The following VIPR2 variants were observed in gnomAD, a reference collection of about 807,000 sequenced individuals.
VIPR2 encodes the protein vasoactive intestinal polypeptide receptor 2.
In VIPR2, 48 loss-of-function variants were observed where a neutral mutation model predicts 58.0. That is an observed-to-expected ratio of 0.83 (90% confidence interval 0.66 to 1.05). The LOEUF (loss-of-function observed/expected upper bound fraction) is 1.05, where lower values mean the gene tolerates loss of function less well. Ranked by LOEUF, VIPR2 falls within the 50% of genes least tolerant of loss-of-function variation. The pLI, the probability that VIPR2 is intolerant of heterozygous loss-of-function variation, is 0.00. For synonymous variants in VIPR2, 243 were observed against 235.2 expected (o/e 1.03, Z -0.30); for missense variants, 534 against 558.0 (o/e 0.96, Z 0.43).
chr7:159,082,424 A>G (rs986611962), intron 4 of VIPR2, among the ~76,000 whole-genome samples: 2 of 151,594 alleles, frequency 1.3e-5, no homozygotes, highest in Admixed American at 6.6e-5. Flanking sequence ...ATGAGAACAC[A>G]TGGACACAGG....
intron 3 of VIPR2, among the ~76,000 whole-genome samples, chr7:159,107,938 C>T (rs1271619714): frequency 6.6e-6 from 1 of 152,196 alleles, no homozygotes; most frequent in East Asian, 1.9e-4. Context: ...CCCCAAACCT[C>T]CCACCTGCTG....
intron 4 of VIPR2, among the ~76,000 whole-genome samples, chr7:159,088,327 C>A (rs1043429383): frequency 3.3e-5 from 5 of 152,054 alleles, no homozygotes; most frequent in African/African-American, 2.4e-5. Context: ...CTGTACACCA[C>A]AATCATGCTG....
chr7:159,132,647 T>A (rs1228038995), intron 2 of VIPR2, among the ~76,000 whole-genome samples: 1 of 152,212 alleles, frequency 6.6e-6, no homozygotes, highest in African/African-American at 2.4e-5. Flanking sequence ...CGAGTCACAG[T>A]GGCCACAGTG....
At chr7:159,114,397 G>C (rs1299435332) in intron 2 of VIPR2, among the ~76,000 whole-genome samples, 2 of 152,078 alleles carry the variant, frequency 1.3e-5, no homozygotes, top group Non-Finnish European at 2.9e-5. Flanking sequence ...TGCAGATGGA[G>C]TGAGAAACAA....
chr7:159,104,575 A>AG (rs1563331618), intron 3 of VIPR2, among the ~76,000 whole-genome samples: 1 of 100,182 alleles, frequency 1.0e-5, no homozygotes, highest in African/African-American at 5.5e-5. Flanking sequence ...CCAGGCCCTC[A>AG]CCACCGATGG....
At chr7:159,039,773 A>T (rs1854202852) in intron 6 of VIPR2, among the ~76,000 whole-genome samples, 1 of 152,164 alleles carries the variant, frequency 6.6e-6, no homozygotes, top group Non-Finnish European at 1.5e-5. Flanking sequence ...GTGGATGGAG[A>T]CACCCTCTGA....
At chr7:159,113,651 C>T (rs139260378) in intron 2 of VIPR2, among the ~76,000 whole-genome samples, 209 of 152,034 alleles carry the variant, frequency 1.4e-3, no homozygotes, top group Non-Finnish European at 1.8e-3. Flanking sequence ...AACAGAAAAA[C>T]GAGGAAAAGC....
chr7:159,046,383 T>A (rs1015065731), intron 5 of VIPR2, among the ~76,000 whole-genome samples: 1 of 152,144 alleles, frequency 6.6e-6, no homozygotes, highest in East Asian at 1.9e-4. Context: ...TATTCAACCA[T>A]AAAGAGGCAT....
intron 4 of VIPR2, among the ~76,000 whole-genome samples, chr7:159,091,670 GCCT>G (rs1016897581): frequency 4.6e-5 from 7 of 152,204 alleles, no homozygotes; most frequent in Admixed American, 3.3e-4. Flanking sequence ...GACCTGCCTG[GCCT>G]CCTCCTGTGG....
intron 4 of VIPR2, among the ~76,000 whole-genome samples, chr7:159,065,199 G>A (rs1856012427): frequency 6.6e-6 from 1 of 152,232 alleles, no homozygotes; most frequent in Non-Finnish European, 1.5e-5. Flanking sequence ...GTGTTTCTGA[G>A]TTGTTCTAGG....
intron 4 of VIPR2, among the ~76,000 whole-genome samples, chr7:159,082,968 G>A (rs1856989067): frequency 6.6e-6 from 1 of 152,196 alleles, no homozygotes; most frequent in African/African-American, 2.4e-5. Context: ...TCATCCTCAT[G>A]TAATTACACA....
chr7:159,143,503 A>T (rs1797560830), intron 1 of VIPR2, among the ~76,000 whole-genome samples: 1 of 152,232 alleles, frequency 6.6e-6, no homozygotes, highest in Non-Finnish European at 1.5e-5. Context: ...TCCAACCAGG[A>T]ACACAATATC....
At chr7:159,055,806 T>C (rs551538920) in intron 5 of VIPR2, among the ~76,000 whole-genome samples, 66 of 152,270 alleles carry the variant, frequency 4.3e-4, no homozygotes, top group Non-Finnish European at 7.9e-4. Flanking sequence ...CAAATACATG[T>C]TTGCTGGGTT....
At position 159,142,530 on chromosome 7, in the gene VIPR2, G is replaced by C; in HGVS notation, c.67C>G (p.Pro23Ala). 6.2e-7 allele frequency: 1 copy of C among 1,612,512 alleles called. No homozygotes were observed. The highest frequency in any genetic ancestry group is 8.5e-7 in the Non-Finnish European group (1 of 1,179,020). Reference sequence around the variant, plus strand: ...ATTTCCAGATGAAATCGGCATTCTGGGTGAATGCTGTTCACCTGTTCACGG... The same window carrying C: ...ATTTCCAGATGAAATCGGCATTCTGCGTGAATGCTGTTCACCTGTTCACGG... ...WLLAPVNSIHPECRFHLEIQE... is the reference protein window; with the variant it reads ...WLLAPVNSIHAECRFHLEIQE... The change falls in exon 2 of 13, where the codon CCA becomes GCA. Residue 23 changes from proline (P) to alanine (A), a missense_variant. Around this residue, in one of 3 missense-constraint regions of VIPR2, gnomAD observed 224 missense variants for 255.7 expected, o/e 0.88. Coordinates refer to ENST00000262178, the MANE Select transcript of VIPR2 (RefSeq NM_003382.5).
intron 5 of VIPR2, among the ~76,000 whole-genome samples, chr7:159,045,705 C>T (rs568838678): frequency 8.5e-5 from 13 of 152,208 alleles, no homozygotes; most frequent in Non-Finnish European, 1.9e-4. Flanking sequence ...CTAATAGGCT[C>T]TGTTGGATTT....
At position 159,030,399 on chromosome 7, in the gene VIPR2, C is replaced by A; in HGVS notation, c.*217G>T. On this transcript the variant is annotated 3_prime_UTR_variant, in exon 13 of 13. Coordinates refer to ENST00000262178, the MANE Select transcript of VIPR2 (RefSeq NM_003382.5). ...CTATACGGCTGAAACACATTTTGCA[C>A]AAGATTATCTAAATGCTGGAGTTTA... 1 of 473,082 alleles carries A rather than the reference C, an allele frequency of 2.1e-6. No homozygotes were observed. Among genetic ancestry groups the A allele is most frequent in the Non-Finnish European group, 3.6e-6 (1 of 281,246 alleles). 29.3% of individuals were successfully genotyped at this position (473,082 alleles called of 1,614,324 possible).
Position 159,030,731 on chromosome 7 carries a change from C to T in VIPR2, c.1202G>A (p.Arg401Gln). 1 of 1,589,520 alleles carries T rather than the reference C, an allele frequency of 6.3e-7. No individual in the cohort carries two copies. The highest frequency in any genetic ancestry group is 2.3e-5 in the East Asian group (1 of 43,272). ...GGAGGAACCGCAGACCCTGTAATCC[C>T]GGCTCGCGGACGGGGTCGGGCACCG... ...RSRCPTPSAS[R>Q]DYRVCGSSFS... Residue 401 changes from arginine to glutamine, a missense_variant, in exon 13 of 13, where the codon CGG (arginine) becomes CAG (glutamine). Physicochemically the swap from Arg to Gln is conservative, Grantham distance 43. Transcript: ENST00000262178.
At position 159,099,995 on chromosome 7, in the gene VIPR2, C is replaced by A. The variant is rs529515501; in HGVS notation, c.357+3762G>T. On this transcript the variant is annotated intron_variant, in intron 4 of 12. Transcript: ENST00000262178. This position sits in a 1 kb window ranked among gnomAD's most constrained non-coding sequence, Gnocchi z 4.2. ...CCTTCCTCAAGGGCTCACAGCCATG[C>A]GTGCTGGAGCTGGGCCCCCAACACT... is the stretch of plus-strand genomic sequence containing the variant. Among the ~76,000 whole-genome samples, 3 of 152,178 alleles carry A rather than the reference C, an allele frequency of 2.0e-5. No homozygotes were observed. The highest frequency in any genetic ancestry group is 4.4e-5 in the Non-Finnish European group (3 of 68,028).
At chr7:159,064,251 C>G (rs73523914) in intron 4 of VIPR2, among the ~76,000 whole-genome samples, 57,654 of 151,810 alleles carry the variant, frequency 0.38, 11,607 homozygotes, top group African/African-American at 0.5. Flanking sequence ...ACGGGAGCCC[C>G]GGTCCCCTGC....
Sources: allele counts gnomAD v4.1 joint callset (sites outside exome capture counted in the v4.1 genomes callset), GRCh38; gene constraint gnomAD v4.1.1; regional missense constraint gnomAD v4.1.1; non-coding constraint Gnocchi (gnomAD v3.1); transcripts MANE v1.5; gene names NCBI Gene and HGNC (gene_info 2026-07-23, HGNC 2026-07-21).